The following TTLL8 variants were observed in gnomAD, a reference collection of about 807,000 sequenced individuals.
The protein encoded by TTLL8 is protein monoglycylase TTLL8.
Under a neutral mutation model 77.8 loss-of-function variants are expected in TTLL8, and 65 were observed. That is an observed-to-expected ratio of 0.84 (90% CI 0.68 to 1.03). The LOEUF is 1.03. Among genes scored for constraint, TTLL8 ranks in the 50% least tolerant of loss-of-function variants. The pLI is 0.00. For missense variants in TTLL8, 910 were observed against 1,004.5 expected, an observed-to-expected ratio of 0.91 and a Z score of 1.27; for synonymous variants, 402 against 422.8, an observed-to-expected ratio of 0.95 and a Z score of 0.60.
In TTLL8 at chr22:50,025,469, G is replaced by A. The variant is rs190312068; in HGVS notation, c.2203+4961C>T. On this transcript the variant is annotated intron_variant, in intron 12 of 13. Transcript: ENST00000266182. ...AGCCTGCCCAACATGGTGAAACCCC[G>A]TCTCTACTAAAAATACAAAATTAGC... Among the ~76,000 whole-genome samples, 747 of 151,998 alleles carry A rather than the reference G, an allele frequency of 4.9e-3. 5 individuals are homozygous for A. Among genetic ancestry groups the A allele is most frequent in the African/African-American group, 0.017 (712 of 41,446 alleles).
At chr22:50,052,286 C>T (rs918928615) in intron 1 of TTLL8, among the ~76,000 whole-genome samples, 3 of 152,176 alleles carry the variant, frequency 2.0e-5, no homozygotes, top group Non-Finnish European at 4.4e-5. Flanking sequence ...CTCTGCCACC[C>T]CCAACACCCT....
intron 1 of TTLL8, among the ~76,000 whole-genome samples, chr22:50,052,318 G>A (rs929225073): frequency 6.6e-6 from 1 of 152,142 alleles, no homozygotes; most frequent in Non-Finnish European, 1.5e-5. Flanking sequence ...GTCAAACTGA[G>A]TAACTTTAGA....
intron 12 of TTLL8, among the ~76,000 whole-genome samples, chr22:50,020,703 T>G (rs2061190932): frequency 3.4e-5 from 5 of 146,726 alleles, no homozygotes; most frequent in Admixed American, 3.4e-4. Flanking sequence ...CCATCTGACA[T>G]GTACTCCTCC....
rs940262685 is a variant in TTLL8, at chr22:50,041,387, C to A, written c.831-110G>T. On this transcript the variant is annotated intron_variant, in intron 7 of 13. Coordinates refer to ENST00000266182, the Ensembl canonical transcript of TTLL8. This position sits in a 1 kb window ranked among gnomAD's most constrained non-coding sequence, Gnocchi z 4.3. The stretch of plus-strand genomic sequence containing the variant: ...GCACCCCAAGATCCAGACAGACACC[C>A]CAATACCCAACAAGTATCCCAGACA... 5.4e-5 allele frequency: 47 copies of A among 871,072 alleles called. No homozygotes were observed. Among genetic ancestry groups the A allele is most frequent in the Non-Finnish European group, 7.6e-5 (46 of 603,042 alleles). The allele number at this position is 871,072 out of a possible 1,614,324, so 54.0% of individuals were successfully genotyped here. A position where few individuals can be genotyped will look rare whatever the true frequency, so the allele number is the denominator to read the frequency against.
chr22:50,043,646 A>G (rs1333021041), intron 6 of TTLL8, among the ~76,000 whole-genome samples: 2 of 152,154 alleles, frequency 1.3e-5, no homozygotes, highest in Non-Finnish European at 2.9e-5. Context: ...TAGATAAATA[A>G]ACAGTGGTAG....
exon 3 of TTLL8, chr22:50,049,280 A>G: frequency 1.5e-6 from 2 of 1,367,706 alleles, no homozygotes; most frequent in Non-Finnish European, 2.0e-6. Context: ...TGTTTTCTCC[A>G]AAGCCATTTC....
intron 8 of TTLL8, among the ~76,000 whole-genome samples, chr22:50,036,477 A>G (rs1469657948): frequency 6.6e-6 from 1 of 152,140 alleles, no homozygotes; most frequent in Non-Finnish European, 1.5e-5. Flanking sequence ...GGGCTCCTCA[A>G]CAGGAACGGA....
At chr22:50,026,060 C>T (rs148855464) in intron 12 of TTLL8, among the ~76,000 whole-genome samples, 3 of 152,284 alleles carry the variant, frequency 2.0e-5, no homozygotes, top group African/African-American at 4.8e-5. Context: ...CACATGTCCC[C>T]GTAAAGGCCA....
At chr22:50,031,634 G>T in intron 11 of TTLL8, 52 bp downstream of exon 12, 1 of 1,219,338 alleles carries the variant, frequency 8.2e-7, no homozygotes. Flanking sequence ...AGGTGGCAAA[G>T]CATCCACATG....
upstream of TTLL8, among the ~76,000 whole-genome samples, chr22:50,057,573 G>GGA (rs1194502436): frequency 3.6e-4 from 29 of 80,002 alleles, no homozygotes; most frequent in East Asian, 1.5e-3. Flanking sequence ...CTGGGTTGGG[G>GGA]TCAGGTCTGG....
At chr22:50,047,469 G>A (rs1478481367) in intron 3 of TTLL8, among the ~76,000 whole-genome samples, 173 bp from the exon 6 acceptor site, 1 of 152,224 alleles carries the variant, frequency 6.6e-6, no homozygotes, top group East Asian at 1.9e-4. Flanking sequence ...GGGATGTGGG[G>A]CGCAACCAGG....
chr22:50,031,140 A>G (rs377718649), intron 11 of TTLL8, among the ~76,000 whole-genome samples: 130 of 152,270 alleles, frequency 8.5e-4, no homozygotes, highest in African/African-American at 3.1e-3. Flanking sequence ...CTTGGGGGTC[A>G]GCCTGGGGGG....
chr22:50,028,149 C>T (rs945614323), intron 12 of TTLL8, among the ~76,000 whole-genome samples: 8 of 152,242 alleles, frequency 5.3e-5, no homozygotes, highest in South Asian at 4.1e-4. Context: ...CTGGCAGCAC[C>T]GGGCAGGAGG....
At chr22:50,028,714 CA>C (rs1203497221) in intron 12 of TTLL8, among the ~76,000 whole-genome samples, 13 of 47,012 alleles carry the variant, frequency 2.8e-4, no homozygotes, top group East Asian at 5.6e-4. Flanking sequence ...CTGAAGACCC[CA>C]CACACCCTCG....
chr22:50,046,575 G>T (rs1193397183), intron 4 of TTLL8, among the ~76,000 whole-genome samples: 1 of 152,242 alleles, frequency 6.6e-6, no homozygotes, highest in Non-Finnish European at 1.5e-5. Flanking sequence ...GCGCTGGCCT[G>T]ACCCTGGGGT....
exon 12 of TTLL8, chr22:50,030,442 G>A (rs774715285): frequency 7.5e-7 from 1 of 1,333,300 alleles, no homozygotes; most frequent in Non-Finnish European, 9.9e-7. Flanking sequence ...TTTCCTCCGG[G>A]CGGCGGACGC....
In TTLL8 at chr22:50,030,421, G is replaced by T. The variant is rs1478668590; in HGVS notation, c.2203+9C>A. 4.6e-6 allele frequency: 6 copies of T among 1,313,556 alleles called. No individual in the cohort carries two copies. The highest frequency in any genetic ancestry group is 5.0e-6 in the Non-Finnish European group (5 of 1,005,524). 81.4% of individuals were successfully genotyped at this position (1,313,556 alleles called of 1,614,324 possible). A position where few individuals can be genotyped will look rare whatever the true frequency, so the allele number is the denominator to read the frequency against. ...AAGCCCACAGCGCACCGCCGGCGGC[G>T]CAGGTTACCTTTTCCTCCGGGCGGC... is the stretch of plus-strand genomic sequence containing the variant. On this transcript the variant is annotated intron_variant, in intron 12 of 13. Transcript: ENST00000266182.
chr22:50,046,882 G>A (rs767589581), intron 4 of TTLL8, among the ~76,000 whole-genome samples: 12 of 152,214 alleles, frequency 7.9e-5, no homozygotes, highest in Non-Finnish European at 1.6e-4. Context: ...AGCACCCAAA[G>A]CCCGGTGGCA....
intron 12 of TTLL8, among the ~76,000 whole-genome samples, chr22:50,027,258 G>A (rs940666651): frequency 9.3e-5 from 14 of 150,744 alleles, no homozygotes; most frequent in Non-Finnish European, 1.8e-4. Flanking sequence ...AATCTGCTGG[G>A]CGTGGTGGCT....
Sources: allele counts gnomAD v4.1 joint callset (sites outside exome capture counted in the v4.1 genomes callset), GRCh38; gene constraint gnomAD v4.1.1; non-coding constraint Gnocchi (gnomAD v3.1); transcripts MANE v1.5; gene names NCBI Gene and HGNC (gene_info 2026-07-23, HGNC 2026-07-21).